The following GRIK4 variants were observed in gnomAD, a reference collection of about 807,000 sequenced individuals.
GRIK4 encodes glutamate receptor ionotropic, kainate 4.
In GRIK4, 40 loss-of-function variants were observed where a neutral mutation model predicts 104.9. The ratio of observed to expected loss-of-function variants is 0.38; its 90% CI spans 0.30 to 0.50. GRIK4 has a LOEUF of 0.50. Among genes scored for constraint, GRIK4 ranks in the 20% least tolerant of loss-of-function variants. GRIK4 has a pLI of 0.93. For synonymous variants in GRIK4, 485 were observed against 524.9 expected, an observed-to-expected ratio of 0.92 and a Z score of 1.04; for missense variants, 1,047 against 1,308.1, an observed-to-expected ratio of 0.80 and a Z score of 3.08.
intron 2 of GRIK4, 141 bp from the exon 3 acceptor site, chr11:120,660,128 A>T (rs1273853216): frequency 3.4e-6 from 2 of 590,154 alleles, no homozygotes; most frequent in South Asian, 4.0e-5. Context: ...AGCTGAAGTT[A>T]GAACCTGAGC....
chr11:120,615,941 G>T (rs1365709420), intron 1 of GRIK4, among the ~76,000 whole-genome samples: 1 of 151,988 alleles, frequency 6.6e-6, no homozygotes, highest in African/African-American at 2.4e-5. Context: ...AATCCCAGGA[G>T]TTGGGGAGAA....
At chr11:120,619,462 T>C (rs1280578172) in intron 1 of GRIK4, among the ~76,000 whole-genome samples, 1 of 152,172 alleles carries the variant, frequency 6.6e-6, no homozygotes, top group East Asian at 1.9e-4. Flanking sequence ...AAGGCATGAT[T>C]ATATTTTCCA....
chr11:120,927,565 C>CAAAAAAAAAAAAAAAAAA (rs56223442), intron 13 of GRIK4, among the ~76,000 whole-genome samples: 6 of 101,592 alleles, frequency 5.9e-5, no homozygotes, highest in Non-Finnish European at 9.3e-5. Flanking sequence ...GACTCTGTCT[C>CAAAAAAAAAAAAAAAAAA]AAAAAAAAAA....
At chr11:120,548,240 C>T (rs370632021) in intron 1 of GRIK4, among the ~76,000 whole-genome samples, 5 of 152,146 alleles carry the variant, frequency 3.3e-5, no homozygotes, top group African/African-American at 9.6e-5. Context: ...GTACTGGGTA[C>T]AGCAGGAGTA....
intron 3 of GRIK4, among the ~76,000 whole-genome samples, chr11:120,684,509 A>G (rs1422730060): frequency 1.3e-5 from 2 of 152,230 alleles, no homozygotes; most frequent in Non-Finnish European, 2.9e-5. Flanking sequence ...ACGAACACAC[A>G]TGAAAAGTGA....
intron 3 of GRIK4, among the ~76,000 whole-genome samples, chr11:120,723,696 A>G (rs924412661): frequency 6.6e-6 from 1 of 152,150 alleles, no homozygotes; most frequent in African/African-American, 2.4e-5. Flanking sequence ...AGGGCCAGTT[A>G]GTGTGCCTGG....
rs112912548 is a variant in GRIK4 at position 120,953,204 on chromosome 11, T to C, written c.1700+240T>C. ...CGACGCAGACAGGTGGCTTGGCTTCTGCACCTCTGCCTCCTGTCCCCTCCC... is the reference window on the plus strand; with the variant it reads ...CGACGCAGACAGGTGGCTTGGCTTCCGCACCTCTGCCTCCTGTCCCCTCCC... On this transcript the variant is annotated intron_variant, in intron 15 of 20. Transcript: ENST00000527524. This position sits in a 1 kb window ranked among gnomAD's most constrained non-coding sequence, Gnocchi z 4.9. Among the ~76,000 whole-genome samples the C allele has an allele frequency of 7.3e-3, 1,114 of 152,244 alleles. 16 individuals carry two copies. Among genetic ancestry groups the C allele is most frequent in the African/African-American group, 0.024 (981 of 41,556 alleles).
chr11:120,853,087 G>A (rs748195913), intron 8 of GRIK4, among the ~76,000 whole-genome samples: 3 of 152,204 alleles, frequency 2.0e-5, no homozygotes, highest in Non-Finnish European at 4.4e-5. Context: ...AGTCCTTGGA[G>A]AGGTAGCTTT....
At chr11:120,712,483 C>T (rs1026088386) in intron 3 of GRIK4, among the ~76,000 whole-genome samples, 1 of 152,132 alleles carries the variant, frequency 6.6e-6, no homozygotes, top group South Asian at 2.1e-4. Flanking sequence ...CCCTTCTGTG[C>T]TTTTCTTCTA....
intron 3 of GRIK4, among the ~76,000 whole-genome samples, chr11:120,777,561 C>T (rs926715715): frequency 3.9e-5 from 6 of 152,212 alleles, no homozygotes; most frequent in South Asian, 2.1e-4. Context: ...ATCCCTGCCC[C>T]GGCTGTAGTG....
chr11:120,675,818 G>A (rs1397690158), intron 3 of GRIK4, among the ~76,000 whole-genome samples: 1 of 152,132 alleles, frequency 6.6e-6, no homozygotes, highest in Non-Finnish European at 1.5e-5. Flanking sequence ...CTGACAGTAG[G>A]AAGCCCATAA....
intron 1 of GRIK4, among the ~76,000 whole-genome samples, chr11:120,556,993 T>G (rs1269011222): frequency 6.6e-6 from 1 of 152,104 alleles, no homozygotes; most frequent in Non-Finnish European, 1.5e-5. Context: ...TTAACATCCC[T>G]CCTGAGCTGA....
At chr11:120,924,712 T>C (rs1943303864) in intron 13 of GRIK4, among the ~76,000 whole-genome samples, 1 of 152,184 alleles carries the variant, frequency 6.6e-6, no homozygotes, top group South Asian at 2.1e-4. Context: ...ACCTTAGACG[T>C]TGCTGTGGGT....
intron 3 of GRIK4, among the ~76,000 whole-genome samples, chr11:120,794,640 A>G (rs545713765): frequency 2.0e-5 from 3 of 152,262 alleles, no homozygotes; most frequent in Non-Finnish European, 4.4e-5. Flanking sequence ...CACCAAGGAG[A>G]GAGGTCTTGG....
chr11:120,916,905 A>T (rs1326600050), intron 13 of GRIK4, among the ~76,000 whole-genome samples: 1 of 152,196 alleles, frequency 6.6e-6, no homozygotes, highest in Non-Finnish European at 1.5e-5. Flanking sequence ...GCATTCCCCT[A>T]GGGAGTGCTT....
chr11:120,599,359 T>C (rs902859290), intron 1 of GRIK4, among the ~76,000 whole-genome samples: 2 of 152,228 alleles, frequency 1.3e-5, no homozygotes, highest in Non-Finnish European at 2.9e-5. Flanking sequence ...AGGTCCCTGT[T>C]CTGGGCTTGA....
chr11:120,948,954 T>C (rs1455621125), intron 14 of GRIK4, among the ~76,000 whole-genome samples: 5 of 152,116 alleles, frequency 3.3e-5, no homozygotes, highest in Non-Finnish European at 7.4e-5. Context: ...TTGCATGTCT[T>C]GTAAATGGTG....
intron 1 of GRIK4, among the ~76,000 whole-genome samples, chr11:120,606,892 T>C (rs1948969900): frequency 6.6e-6 from 1 of 152,098 alleles, no homozygotes. Flanking sequence ...AATCTGCATG[T>C]TTTGAGGCTG....
chr11:120,614,775 G>A (rs559349778), intron 1 of GRIK4, among the ~76,000 whole-genome samples: 4 of 152,188 alleles, frequency 2.6e-5, no homozygotes, highest in African/African-American at 7.2e-5. Context: ...CAAGGCGGGT[G>A]GATCATGAGG....
Sources: gnomAD v4.1 joint callset for allele counts (sites outside exome capture counted in the v4.1 genomes callset) on GRCh38, gnomAD v4.1.1 for gene constraint, Gnocchi (gnomAD v3.1) non-coding constraint, MANE v1.5 for transcripts, NCBI Gene and HGNC (gene_info 2026-07-23, HGNC 2026-07-21) for gene names.